FAM120B: variants seen among roughly 807,000 people sequenced by gnomAD.
FAM120B encodes the protein family with sequence similarity 120 member B, also known as constitutive coactivator of peroxisome proliferator-activated receptor gamma.
In FAM120B, 83 loss-of-function variants were observed where a neutral mutation model predicts 96.3. The observed-to-expected ratio is 0.86, with a 90% confidence interval of 0.72 to 1.03. The LOEUF (loss-of-function observed/expected upper bound fraction) is 1.03. FAM120B is among the 50% of genes least tolerant of loss of function. The pLI is 0.00. For synonymous variants in FAM120B, 407 were observed against 402.7 expected (o/e 1.01, Z -0.13); for missense variants, 1,027 against 1,121.2 (o/e 0.92, Z 1.20).
chr6:170,384,187 A>C (rs533636548), intron 6 of FAM120B, among the ~76,000 whole-genome samples: 1 of 152,292 alleles, frequency 6.6e-6, no homozygotes, highest in East Asian at 1.9e-4. Flanking sequence ...TGGTAGTGGC[A>C]GGGGCTACAC....
chr6:170,367,678 T>C (rs1788889748), intron 6 of FAM120B, among the ~76,000 whole-genome samples: 1 of 152,264 alleles, frequency 6.6e-6, no homozygotes, highest in African/African-American at 2.4e-5. Flanking sequence ...AATAACCCCA[T>C]GCGTGAATGT....
intron 5 of FAM120B, among the ~76,000 whole-genome samples, chr6:170,351,320 A>T (rs1397316213): frequency 6.6e-6 from 1 of 152,240 alleles, no homozygotes; most frequent in African/African-American, 2.4e-5. Flanking sequence ...CTTATGACTG[A>T]TTGGGGTACC....
At chr6:170,300,400 G>A (rs771844337) in intron 1 of FAM120B, among the ~76,000 whole-genome samples, 4 of 152,140 alleles carry the variant, frequency 2.6e-5, no homozygotes, top group African/African-American at 7.2e-5. Context: ...TTCCTCCCAC[G>A]ACATGTGGGG....
intron 5 of FAM120B, among the ~76,000 whole-genome samples, chr6:170,355,429 A>G (rs1787844434): frequency 1.3e-5 from 2 of 152,224 alleles, no homozygotes; most frequent in Non-Finnish European, 2.9e-5. Flanking sequence ...ACATGGATGG[A>G]GTTGGAGGTC....
intron 3 of FAM120B, among the ~76,000 whole-genome samples, chr6:170,325,007 G>T (rs2115045246): frequency 6.6e-6 from 1 of 152,296 alleles, no homozygotes; most frequent in East Asian, 1.9e-4. Flanking sequence ...TTAGTTCCCA[G>T]GAGAAAACGG....
intron 1 of FAM120B, 55 bp from the exon 2 acceptor site, chr6:170,317,315 G>T: frequency 7.3e-7 from 1 of 1,360,898 alleles, no homozygotes. Context: ...TTTGAAAGGT[G>T]CCATATATCT....
intron 6 of FAM120B, among the ~76,000 whole-genome samples, chr6:170,361,173 G>A (rs1319611306): frequency 1.0e-5 from 1 of 100,258 alleles, no homozygotes; most frequent in Non-Finnish European, 1.9e-5. Flanking sequence ...CTCAAATATA[G>A]CCTTAAAACT....
chr6:170,291,220 A>C (rs1783862224), upstream of FAM120B: 1 of 588,954 alleles, frequency 1.7e-6, no homozygotes, highest in Non-Finnish European at 3.1e-6. Flanking sequence ...TGTTCACCGC[A>C]AGAATCCCCC....
chr6:170,295,147 G>A (rs1449678803), upstream of FAM120B, among the ~76,000 whole-genome samples: 1 of 152,196 alleles, frequency 6.6e-6, no homozygotes, highest in East Asian at 1.9e-4. This position sits in a 1 kb window ranked among gnomAD's most constrained non-coding sequence, Gnocchi z 7.8. Context: ...TCTCAGAGGC[G>A]TCCGTGGCGA....
At chr6:170,400,595 C>T (rs937623377) in intron 9 of FAM120B, among the ~76,000 whole-genome samples, 3 of 152,190 alleles carry the variant, frequency 2.0e-5, no homozygotes, top group Non-Finnish European at 4.4e-5. Context: ...GCCTGACCGG[C>T]TGCAGGGACG....
chr6:170,382,434 G>A (rs989296167), intron 6 of FAM120B, among the ~76,000 whole-genome samples: 7 of 152,106 alleles, frequency 4.6e-5, no homozygotes, highest in Admixed American at 2.0e-4. Context: ...ACTAGATCTA[G>A]TGAGAGTTCA....
chr6:170,392,395 A>G (rs1411505620), intron 8 of FAM120B, among the ~76,000 whole-genome samples: 2 of 152,158 alleles, frequency 1.3e-5, no homozygotes, highest in Non-Finnish European at 2.9e-5. Context: ...TTTAGTACAG[A>G]AGGGGTTTCA....
intron 3 of FAM120B, among the ~76,000 whole-genome samples, chr6:170,328,988 A>G (rs1583209112): frequency 6.6e-6 from 1 of 152,326 alleles, no homozygotes; most frequent in African/African-American, 2.4e-5. Context: ...GGCTATCACC[A>G]GAGTGCCCAA....
chr6:170,344,570 C>T (rs1285803774), intron 4 of FAM120B, among the ~76,000 whole-genome samples: 2 of 151,956 alleles, frequency 1.3e-5, no homozygotes, highest in Non-Finnish European at 2.9e-5. Flanking sequence ...CGGTGCTAGC[C>T]TCTCTCTGGT....
intron 1 of FAM120B, among the ~76,000 whole-genome samples, chr6:170,299,761 T>G (rs1475600816): frequency 6.6e-6 from 1 of 152,244 alleles, no homozygotes; most frequent in Non-Finnish European, 1.5e-5. Context: ...AGATTCTCTC[T>G]CTTATAATCA....
intron 2 of FAM120B, among the ~76,000 whole-genome samples, chr6:170,322,477 T>G (rs1785358209): frequency 1.3e-5 from 2 of 152,172 alleles, no homozygotes; most frequent in Admixed American, 1.3e-4. Flanking sequence ...GTAGGGTAAG[T>G]TCTTATGGGG....
chr6:170,404,606 G>A lies in FAM120B; in HGVS notation c.*11+5G>A, dbSNP rs770814858. On this transcript the variant is annotated splice_donor_5th_base_variant and intron_variant, in intron 10 of 10. Coordinates refer to ENST00000476287, the MANE Select transcript of FAM120B (RefSeq NM_032448.3). ...AAGGTACTAGTCAACCTCCAGGTAA[G>A]TTCATCACCTGCATCTCCAGAAGAA... 1.2e-6 allele frequency: 2 copies of A among 1,605,934 alleles called. No homozygotes were observed. Among genetic ancestry groups the A allele is most frequent in the South Asian group, 2.2e-5 (2 of 90,910 alleles).
At chr6:170,396,300 G>T (rs1448275185) in intron 9 of FAM120B, among the ~76,000 whole-genome samples, 2 of 152,124 alleles carry the variant, frequency 1.3e-5, no homozygotes, top group East Asian at 3.8e-4. Context: ...GAATCCAGTT[G>T]ACCTTTGGGG....
chr6:170,400,906 A>T (rs534002533), intron 9 of FAM120B, among the ~76,000 whole-genome samples: 2 of 152,248 alleles, frequency 1.3e-5, no homozygotes, highest in Admixed American at 1.3e-4. Context: ...AAGTGCCAGG[A>T]AGGATGCCAT....
Sources: gnomAD v4.1 joint callset for allele counts (sites outside exome capture counted in the v4.1 genomes callset) on GRCh38, gnomAD v4.1.1 for gene constraint, Gnocchi (gnomAD v3.1) non-coding constraint, MANE v1.5 for transcripts, NCBI Gene and HGNC (gene_info 2026-07-23, HGNC 2026-07-21) for gene names.